The following PLPPR5 variants were observed in gnomAD, a reference collection of about 807,000 sequenced individuals.
PLPPR5 encodes phospholipid phosphatase related 5.
Under a neutral mutation model 33.9 loss-of-function variants are expected in PLPPR5, and 16 were observed. That is an observed-to-expected ratio of 0.47 (90% CI 0.32 to 0.72). The LOEUF is 0.72. Ranked by LOEUF, PLPPR5 falls within the 30% of genes least tolerant of loss-of-function variation. PLPPR5 has a pLI of 0.03. For synonymous variants in PLPPR5, 163 were observed against 150.3 expected (o/e 1.08, Z -0.62); for missense variants, 301 against 406.7 (o/e 0.74, Z 2.23).
At chr1:98,899,655 C>CTTTTTTTTTTTTTTTTTTTTTTTTTT (rs1214385487) in intron 5 of PLPPR5, among the ~76,000 whole-genome samples, 1 of 138,568 alleles carries the variant, frequency 7.2e-6, no homozygotes, top group African/African-American at 2.7e-5. Context: ...GTTTATTTCA[C>CTTTTTTTTTTTTTTTTTTTTTTTTTT]TTGTTTTTTT....
intron 5 of PLPPR5, among the ~76,000 whole-genome samples, 153 bp downstream of exon 5, chr1:98,914,633 A>C (rs916663603): frequency 3.9e-5 from 6 of 152,090 alleles, no homozygotes; most frequent in Non-Finnish European, 5.9e-5. Context: ...ATATTTTTCT[A>C]TGATTATCTC....
At chr1:98,976,907 C>T (rs1170318023) in intron 1 of PLPPR5, among the ~76,000 whole-genome samples, 2 of 151,840 alleles carry the variant, frequency 1.3e-5, no homozygotes, top group Non-Finnish European at 2.9e-5. Flanking sequence ...CTTCTCATGT[C>T]CCCTGGCCCA....
chr1:98,918,259 A>T (rs1649429811), intron 4 of PLPPR5, among the ~76,000 whole-genome samples: 1 of 152,186 alleles, frequency 6.6e-6, no homozygotes, highest in South Asian at 2.1e-4. Flanking sequence ...AAGTTACTTT[A>T]TATAATCAGG....
chr1:98,948,694 C>A (rs1169539140), intron 3 of PLPPR5, among the ~76,000 whole-genome samples: 1 of 152,082 alleles, frequency 6.6e-6, no homozygotes, highest in Non-Finnish European at 1.5e-5. Flanking sequence ...GGAAGATGAC[C>A]CTTGTGAGAA....
intron 1 of PLPPR5, among the ~76,000 whole-genome samples, chr1:98,998,768 T>G (rs573911450): frequency 1.3e-5 from 2 of 152,162 alleles, no homozygotes; most frequent in South Asian, 4.2e-4. Context: ...TGAAAATTGA[T>G]TACATTAATG....
intron 1 of PLPPR5, among the ~76,000 whole-genome samples, chr1:98,984,730 A>C (rs188116392): frequency 6.6e-6 from 1 of 152,150 alleles, no homozygotes; most frequent in African/African-American, 2.4e-5. Context: ...CTATCCCAAA[A>C]GTGAAAAGAA....
intron 3 of PLPPR5, among the ~76,000 whole-genome samples, chr1:98,929,034 C>T (rs771457654): frequency 1.3e-5 from 2 of 151,938 alleles, no homozygotes; most frequent in Non-Finnish European, 2.9e-5. Context: ...TTAGGAGATT[C>T]CGTATTTAGT....
At chr1:98,986,007 ATTG>A (rs1244829601) in intron 1 of PLPPR5, among the ~76,000 whole-genome samples, 5 of 152,024 alleles carry the variant, frequency 3.3e-5, no homozygotes, top group African/African-American at 1.2e-4. Context: ...CTGAAGTATA[ATTG>A]TTAAGAATGA....
At position 98,994,564 on chromosome 1, in the gene PLPPR5, A is replaced by G. The variant is rs182649599; in HGVS notation, c.237+9871T>C. ...AAGAAGACCTCGTTCCTAAGTTATG[A>G]AGTCTGTAATTTACTTTAAAACACT... On this transcript the variant is annotated intron_variant, in intron 1 of 5. Coordinates refer to ENST00000263177, the MANE Select transcript of PLPPR5 (RefSeq NM_001037317.2). Among the ~76,000 whole-genome samples the G allele has an allele frequency of 3.3e-5, 5 of 152,220 alleles. No homozygotes were observed. The East Asian group carries it at 9.7e-4, about 29-fold the overall frequency.
At chr1:98,958,168 C>T (rs1651084806) in intron 1 of PLPPR5, among the ~76,000 whole-genome samples, 1 of 152,162 alleles carries the variant, frequency 6.6e-6, no homozygotes, top group Admixed American at 6.6e-5. Flanking sequence ...TCTTGTCAAG[C>T]TTAATTAACA....
intron 4 of PLPPR5, among the ~76,000 whole-genome samples, chr1:98,920,613 G>C: frequency 3.7e-5 from 1 of 26,720 alleles, no homozygotes; most frequent in Admixed American, 3.4e-4. Context: ...AAAAAAAGCA[G>C]CACAGGATGA....
Position 98,921,887 on chromosome 1 carries a change from A to G in PLPPR5, c.793T>C (p.Phe265Leu). 6.2e-7 allele frequency: 1 copy of G among 1,603,572 alleles called. No homozygotes were observed. Among genetic ancestry groups the G allele is most frequent in the Middle Eastern group, 1.7e-4 (1 of 6,016 alleles). ...ATAAATAAATTTGTACTTACCAGAA[A>G]TACTGCTATAGATATTCCAACCAGA... Reference protein sequence around the residue: ...GFLVGISIAVFLVVCVVNNFK... With the variant: ...GFLVGISIAVLLVVCVVNNFK... Residue 265 changes from phenylalanine (F) to leucine (L), a missense_variant, in exon 4 of 6, where the codon TTT (phenylalanine) becomes CTT (leucine). Coordinates refer to ENST00000263177, the MANE Select transcript of PLPPR5 (RefSeq NM_001037317.2).
chr1:98,985,845 T>C (rs1444130174), intron 1 of PLPPR5, among the ~76,000 whole-genome samples: 1 of 152,072 alleles, frequency 6.6e-6, no homozygotes, highest in Non-Finnish European at 1.5e-5. Context: ...GTAAGTACAC[T>C]TCATGATGTT....
intron 2 of PLPPR5, among the ~76,000 whole-genome samples, chr1:98,956,401 G>A (rs1325942423): frequency 2.6e-5 from 4 of 152,086 alleles, no homozygotes; most frequent in Non-Finnish European, 5.9e-5. Context: ...TTGGTTACAT[G>A]AGTAAGTTCT....
At chr1:99,005,558 T>G (rs867836338), upstream of PLPPR5, among the ~76,000 whole-genome samples, 9 of 152,234 alleles carry the variant, frequency 5.9e-5, no homozygotes, top group South Asian at 1.9e-3. Context: ...GGCCCCTTCC[T>G]GGATCCATGC....
intron 3 of PLPPR5, among the ~76,000 whole-genome samples, chr1:98,948,893 TA>T (rs1352700611): frequency 6.6e-6 from 1 of 152,178 alleles, no homozygotes; most frequent in African/African-American, 2.4e-5. Context: ...GGGTGGTTTA[TA>T]ATGCAGCAAC....
chr1:98,902,277 A>C (rs1035427333), intron 5 of PLPPR5, among the ~76,000 whole-genome samples: 1 of 152,116 alleles, frequency 6.6e-6, no homozygotes, highest in Non-Finnish European at 1.5e-5. Flanking sequence ...ATGCATTGTT[A>C]TGTGAATAAA....
chr1:98,991,111 T>C (rs1652435871), intron 1 of PLPPR5: 1 of 152,100 alleles, frequency 6.6e-6, no homozygotes, highest in Admixed American at 6.6e-5. Context: ...TTAATAATCA[T>C]CTGATTCCAA....
chr1:98,900,559 CTGA>C (rs1648660839), intron 5 of PLPPR5, among the ~76,000 whole-genome samples: 1 of 152,224 alleles, frequency 6.6e-6, no homozygotes, highest in South Asian at 2.1e-4. Context: ...ATCATAACAG[CTGA>C]TGATAAGGTA....
Sources: gnomAD v4.1 joint callset for allele counts (sites outside exome capture counted in the v4.1 genomes callset) on GRCh38, gnomAD v4.1.1 for gene constraint, MANE v1.5 for transcripts, NCBI Gene and HGNC (gene_info 2026-07-23, HGNC 2026-07-21) for gene names.